TACR3: variants seen among roughly 807,000 people sequenced by gnomAD.
The protein encoded by TACR3 is neuromedin-K receptor.
TACR3 carries 34 observed loss-of-function variants against 35.0 expected under a neutral mutation model. The ratio of observed to expected loss-of-function variants is 0.97; its 90% CI spans 0.74 to 1.30. The LOEUF (loss-of-function observed/expected upper bound fraction) is 1.30, where lower values mean the gene tolerates loss of function less well. Among genes scored for constraint, TACR3 ranks in the 50% most tolerant of loss-of-function variants. TACR3 has a pLI of 0.00. For missense variants in TACR3, 558 were observed against 591.7 expected, an observed-to-expected ratio of 0.94 and a Z score of 0.59; for synonymous variants, 233 against 221.1, an observed-to-expected ratio of 1.05 and a Z score of -0.48.
intron 1 of TACR3, among the ~76,000 whole-genome samples, chr4:103,676,508 CAAAT>C (rs1202095628): frequency 6.6e-6 from 1 of 151,964 alleles, no homozygotes; most frequent in Non-Finnish European, 1.5e-5. Flanking sequence ...CAAAGACAAA[CAAAT>C]ATAGTGTGTT....
At chr4:103,650,326 GT>G (rs1040766770) in intron 3 of TACR3, among the ~76,000 whole-genome samples, 4 of 151,086 alleles carry the variant, frequency 2.6e-5, no homozygotes, top group Non-Finnish European at 5.9e-5. Context: ...CCCAAAGCCT[GT>G]TTTAATCACC....
At chr4:103,705,806 AAG>A (rs1722774872) in intron 1 of TACR3, among the ~76,000 whole-genome samples, 1 of 152,170 alleles carries the variant, frequency 6.6e-6, no homozygotes, top group East Asian at 1.9e-4. Flanking sequence ...ATGAACTTGA[AAG>A]AGGATCTGAG....
intron 3 of TACR3, among the ~76,000 whole-genome samples, chr4:103,601,564 C>G (rs1724202257): frequency 6.6e-6 from 1 of 152,084 alleles, no homozygotes; most frequent in Non-Finnish European, 1.5e-5. Context: ...TTCAGGAGCT[C>G]TTTTAGGGCA....
At chr4:103,606,868 A>G (rs1724384071) in intron 3 of TACR3, among the ~76,000 whole-genome samples, 1 of 152,052 alleles carries the variant, frequency 6.6e-6, no homozygotes, top group Admixed American at 6.6e-5. Context: ...GTTGAATAGG[A>G]GTGTTGAGAG....
At chr4:103,688,695 T>C (rs1339394927) in intron 1 of TACR3, among the ~76,000 whole-genome samples, 1 of 151,016 alleles carries the variant, frequency 6.6e-6, no homozygotes, top group Non-Finnish European at 1.5e-5. Flanking sequence ...AAAACCACAA[T>C]GAGATATCAT....
chr4:103,708,756 G>T (rs534047711), intron 1 of TACR3, among the ~76,000 whole-genome samples: 1 of 152,286 alleles, frequency 6.6e-6, no homozygotes, highest in Admixed American at 6.5e-5. Flanking sequence ...TGAAAACCTT[G>T]AGAAAAGATT....
At chr4:103,709,121 G>A (rs547656017) in intron 1 of TACR3, among the ~76,000 whole-genome samples, 85 of 152,178 alleles carry the variant, frequency 5.6e-4, no homozygotes, top group South Asian at 8.3e-4. Flanking sequence ...ACCTACCAAC[G>A]CAGGCCAACA....
chr4:103,599,753 A>T (rs1174438762), intron 3 of TACR3, among the ~76,000 whole-genome samples: 2 of 152,284 alleles, frequency 1.3e-5, no homozygotes, highest in African/African-American at 4.8e-5. Context: ...ATGCTGGATT[A>T]GATTTGTTGA....
intron 2 of TACR3, among the ~76,000 whole-genome samples, chr4:103,657,689 C>G (rs1042917911): frequency 6.6e-6 from 1 of 151,828 alleles, no homozygotes; most frequent in African/African-American, 2.4e-5. Context: ...AAAATATGAA[C>G]CAAATTTTAC....
At chr4:103,682,017 A>G (rs1175635840) in intron 1 of TACR3, among the ~76,000 whole-genome samples, 1 of 152,200 alleles carries the variant, frequency 6.6e-6, no homozygotes, top group Non-Finnish European at 1.5e-5. Flanking sequence ...CATGTTTATT[A>G]GTTTTATTTG....
intron 3 of TACR3, among the ~76,000 whole-genome samples, chr4:103,609,317 C>T (rs182031323): frequency 6.6e-6 from 1 of 152,122 alleles, no homozygotes; most frequent in African/African-American, 2.4e-5. Flanking sequence ...TATTTACACC[C>T]TAAAGCAAAT....
chr4:103,649,478 C>A (rs956994751), intron 3 of TACR3, among the ~76,000 whole-genome samples: 5 of 151,752 alleles, frequency 3.3e-5, no homozygotes, highest in Non-Finnish European at 1.5e-5. Flanking sequence ...ATTACATAGC[C>A]CCTTTGAGGC....
intron 3 of TACR3, among the ~76,000 whole-genome samples, chr4:103,647,891 A>C (rs1725495360): frequency 6.6e-6 from 1 of 152,004 alleles, no homozygotes; most frequent in African/African-American, 2.4e-5. Context: ...AAATTATCTA[A>C]AAGTTTCATA....
chr4:103,628,983 A>G (rs1361827492), intron 3 of TACR3, among the ~76,000 whole-genome samples: 1 of 152,216 alleles, frequency 6.6e-6, no homozygotes, highest in Non-Finnish European at 1.5e-5. Context: ...GGCTGGTTCA[A>G]CAGACACAAA....
At chr4:103,689,487 A>C (rs1469704028) in intron 1 of TACR3, among the ~76,000 whole-genome samples, 1 of 152,152 alleles carries the variant, frequency 6.6e-6, no homozygotes, top group African/African-American at 2.4e-5. Context: ...AAGATATAGA[A>C]ATTACAAAAA....
chr4:103,598,137 T>A (rs1724086731), intron 3 of TACR3, among the ~76,000 whole-genome samples: 1 of 152,194 alleles, frequency 6.6e-6, no homozygotes, highest in South Asian at 2.1e-4. Context: ...TTTTTAATGA[T>A]CACCATTCTA....
At chr4:103,630,743 T>C (rs558826066) in intron 3 of TACR3, among the ~76,000 whole-genome samples, 10 of 152,224 alleles carry the variant, frequency 6.6e-5, no homozygotes, top group East Asian at 1.9e-4. Context: ...GGAGTGTAAA[T>C]TAGTTCAACC....
At chr4:103,636,242 A>C (rs1725186681) in intron 3 of TACR3, among the ~76,000 whole-genome samples, 1 of 151,946 alleles carries the variant, frequency 6.6e-6, no homozygotes, top group Admixed American at 6.6e-5. Context: ...AAACAAACCC[A>C]TCTGAACTAA....
intron 3 of TACR3, among the ~76,000 whole-genome samples, chr4:103,600,973 G>A (rs181727978): frequency 2.4e-4 from 36 of 152,254 alleles, no homozygotes; most frequent in Admixed American, 5.9e-4. Flanking sequence ...GTGTCTATCA[G>A]GTCAGCTTTG....
Sources: allele counts gnomAD v4.1 joint callset (sites outside exome capture counted in the v4.1 genomes callset), GRCh38; gene constraint gnomAD v4.1.1; transcripts MANE v1.5; gene names NCBI Gene and HGNC (gene_info 2026-07-23, HGNC 2026-07-21).